ABCA8: variants seen among roughly 807,000 people sequenced by gnomAD.
The protein encoded by ABCA8 is ATP binding cassette subfamily A member 8.
A neutral mutation model predicts 192.3 loss-of-function variants in ABCA8; 177 were observed. That is an observed-to-expected ratio of 0.92 (90% confidence interval 0.81 to 1.04). The LOEUF (loss-of-function observed/expected upper bound fraction) is 1.04. Ranked by LOEUF, ABCA8 falls within the 50% of genes least tolerant of loss-of-function variation. The pLI is 0.00. For synonymous variants in ABCA8, 642 were observed against 690.2 expected (o/e 0.93, Z 1.09); for missense variants, 1,915 against 1,904.8 (o/e 1.01, Z -0.10).
At chr17:68,869,965 C>T (rs1422587780) in intron 37 of ABCA8, among the ~76,000 whole-genome samples, 186 bp from the exon 38 acceptor site, 1 of 152,044 alleles carries the variant, frequency 6.6e-6, no homozygotes, top group Non-Finnish European at 1.5e-5. Flanking sequence ...TATGTAGGGT[C>T]CCCCAGTTTC....
At chr17:68,930,689 A>G (rs1413890758) in intron 7 of ABCA8, among the ~76,000 whole-genome samples, 3 of 152,148 alleles carry the variant, frequency 2.0e-5, no homozygotes, top group Non-Finnish European at 4.4e-5. Context: ...CAAGGGTGTT[A>G]TGTAACTATG....
chr17:68,930,538 C>G (rs2067837301), intron 7 of ABCA8, among the ~76,000 whole-genome samples: 2 of 152,034 alleles, frequency 1.3e-5, no homozygotes, highest in African/African-American at 4.8e-5. Context: ...AGCTGCAAAG[C>G]CAACACAATA....
At chr17:68,928,103 T>C (rs1366791771) in intron 9 of ABCA8, 40 bp from the exon 10 acceptor site, 1 of 1,486,234 alleles carries the variant, frequency 6.7e-7, no homozygotes, top group Admixed American at 2.0e-5. Flanking sequence ...AAATTAGGTA[T>C]AAGATACATT....
rs1226746677 is a variant in ABCA8, at chr17:68,944,316, T to TAATATA, written c.-5-2278_-5-2277insTATATT. Among the ~76,000 whole-genome samples, 216 of 29,180 alleles carry TAATATA rather than the reference T, an allele frequency of 7.4e-3. 15 individuals are homozygous for TAATATA. Among genetic ancestry groups the TAATATA allele is most frequent in the African/African-American group, 8.2e-3 (58 of 7,102 alleles). The allele number at this position is 29,180 out of a possible 152,430, so 19.1% of individuals were successfully genotyped here. Reference sequence around the variant, plus strand: ...AGCACATGTAGCCCAGAACTTAAAGTTATATATATATATATATATATATAT... The same window carrying TAATATA: ...AGCACATGTAGCCCAGAACTTAAAGTAATATATATATATATATATATATATATATAT... On this transcript the variant is annotated intron_variant, in intron 2 of 39. Transcript: ENST00000586539.
rs376828988 is a variant in ABCA8 at position 68,911,819 on chromosome 17, A to G, written c.2139-3940T>C. ...AGGGAACAAGCATCTCTGCCTGGTA[A>G]TCCAAAGTATTCTCCAAGAGCACCA... On this transcript the variant is annotated intron_variant, in intron 17 of 39. Transcript: ENST00000586539. The surrounding 1 kb of genome is among the most constrained non-coding windows in gnomAD (Gnocchi z 5.7). Among the ~76,000 whole-genome samples the G allele has an allele frequency of 6.6e-6, 1 of 152,054 alleles. No individual in the cohort carries two copies. Among genetic ancestry groups the G allele is most frequent in the South Asian group, 2.1e-4 (1 of 4,822 alleles).
chr17:68,942,604 C>G (rs988108505), intron 2 of ABCA8, among the ~76,000 whole-genome samples: 3 of 152,008 alleles, frequency 2.0e-5, no homozygotes, highest in Non-Finnish European at 4.4e-5. Context: ...TTCCTCGAAG[C>G]TCTGTTTCCT....
At chr17:68,928,131 G>T in intron 9 of ABCA8, 68 bp from the exon 10 acceptor site, 2 of 1,292,610 alleles carry the variant, frequency 1.5e-6, no homozygotes, top group Non-Finnish European at 2.1e-6. Context: ...GTTAGGTTTA[G>T]CATAGTAATG....
chr17:68,914,826 A>G (rs143239307), intron 17 of ABCA8, among the ~76,000 whole-genome samples: 132 of 152,266 alleles, frequency 8.7e-4, no homozygotes, highest in African/African-American at 2.7e-3. Flanking sequence ...AAAGGCCCAG[A>G]GTAGACAAAG....
chr17:68,921,830 A>G (rs2067540831), intron 12 of ABCA8, among the ~76,000 whole-genome samples: 1 of 152,174 alleles, frequency 6.6e-6, no homozygotes, highest in Non-Finnish European at 1.5e-5. Context: ...ATAGTAAGTT[A>G]TTACATGGCT....
intron 10 of ABCA8, among the ~76,000 whole-genome samples, chr17:68,927,489 A>G (rs889984050): frequency 6.6e-6 from 1 of 152,110 alleles, no homozygotes; most frequent in Non-Finnish European, 1.5e-5. Flanking sequence ...TTAAATCAGA[A>G]TCTCTTCAGG....
chr17:68,929,446 T>C, intron 8 of ABCA8, 115 bp downstream of exon 8: 1 of 1,291,530 alleles, frequency 7.7e-7, no homozygotes, highest in Non-Finnish European at 1.1e-6. Context: ...TTTATAGATT[T>C]TTCACATGCA....
At chr17:68,932,136 T>G (rs9911906) in intron 7 of ABCA8, 152 bp downstream of exon 7, 13,988 of 556,844 alleles carry the variant, frequency 0.025, 1,491 homozygotes, top group African/African-American at 0.23. Flanking sequence ...CGTGAACCTG[T>G]GAGGCGGAGC....
At chr17:68,890,305 C>T (rs2066592715) in intron 24 of ABCA8, among the ~76,000 whole-genome samples, 1 of 152,120 alleles carries the variant, frequency 6.6e-6, no homozygotes, top group South Asian at 2.1e-4. Flanking sequence ...ATGACATTAA[C>T]CATCTTTTCA....
intron 21 of ABCA8, among the ~76,000 whole-genome samples, chr17:68,900,538 CAAA>C (rs35696026): frequency 0.4 from 43,695 of 109,428 alleles, 6,573 homozygotes; most frequent in South Asian, 0.52. Flanking sequence ...CACAAAGTCT[CAAA>C]AAAAAAAAAA....
At chr17:68,922,499 A>G (rs2067572252) in intron 11 of ABCA8, among the ~76,000 whole-genome samples, 199 bp from the exon 12 acceptor site, 1 of 151,944 alleles carries the variant, frequency 6.6e-6, no homozygotes, top group Admixed American at 6.6e-5. Context: ...TCATGTGAGG[A>G]GTTACATGTG....
Position 68,918,007 on chromosome 17 carries a change from A to G in ABCA8, c.2047+40T>C, listed in dbSNP as rs1427519274. Reference sequence around the variant, plus strand: ...ACCAATCCATATTTTTAGATCTCTTAAAGTCCTCCTCAGGATACTTAACAG... The same window carrying G: ...ACCAATCCATATTTTTAGATCTCTTGAAGTCCTCCTCAGGATACTTAACAG... On this transcript the variant is annotated intron_variant, in intron 16 of 39. Transcript: ENST00000586539. 6 of 1,608,340 alleles carry G rather than the reference A, an allele frequency of 3.7e-6. No individual in the cohort carries two copies. The African/African-American group carries it at 4.0e-5, about 11-fold the overall frequency.
chr17:68,868,401 G>C, intron 38 of ABCA8, 45 bp from the exon 39 acceptor site: 1 of 1,521,318 alleles, frequency 6.6e-7, no homozygotes, highest in Non-Finnish European at 9.1e-7. Context: ...TTCATATCTA[G>C]AGGTCTCATA....
chr17:68,932,567 T>C (rs2067932993), intron 6 of ABCA8, 53 bp from the exon 7 acceptor site: 3 of 1,311,786 alleles, frequency 2.3e-6, no homozygotes, highest in Non-Finnish European at 3.3e-6. Flanking sequence ...CAGCATGCAG[T>C]TTTCTTTTAA....
In ABCA8 at chr17:68,918,547, C is replaced by G. The variant is rs1390327454; in HGVS notation, c.1789-1G>C. 3 of 1,493,138 alleles carry G rather than the reference C, an allele frequency of 2.0e-6. No homozygotes were observed. The highest frequency in any genetic ancestry group is 2.8e-5 in the African/African-American group (2 of 70,610). 92.5% of individuals were successfully genotyped at this position (1,493,138 alleles called of 1,614,324 possible). A position where few individuals can be genotyped will look rare whatever the true frequency, so the allele number is the denominator to read the frequency against. ...CCAATTCCAGCAGAACCCTTTGTAT[C>G]TAACCAAAAGACAGTATTTATGTCA... On this transcript the variant is annotated splice_acceptor_variant, in intron 14 of 39. Coordinates refer to ENST00000586539, the MANE Select transcript of ABCA8 (RefSeq NM_001288985.2). LOFTEE classifies it high-confidence loss of function.
Sources: gnomAD v4.1 joint callset for allele counts (sites outside exome capture counted in the v4.1 genomes callset) on GRCh38, gnomAD v4.1.1 for gene constraint, Gnocchi (gnomAD v3.1) non-coding constraint, MANE v1.5 for transcripts, NCBI Gene and HGNC (gene_info 2026-07-23, HGNC 2026-07-21) for gene names.